CANX: variants seen among roughly 807,000 people sequenced by gnomAD.
The protein encoded by CANX is epididymis secretory sperm binding protein.
CANX carries 14 observed loss-of-function variants against 75.7 expected under a neutral mutation model. The ratio of observed to expected loss-of-function variants is 0.19; its 90% CI spans 0.12 to 0.29. The LOEUF is 0.29. Among genes scored for constraint, CANX ranks in the 10% least tolerant of loss-of-function variants. The pLI is 1.00. For synonymous variants in CANX, 227 were observed against 236.9 expected, an observed-to-expected ratio of 0.96 and a Z score of 0.38; for missense variants, 567 against 713.2, an observed-to-expected ratio of 0.79 and a Z score of 2.34.
chr5:179,709,186 C>G (rs1581858272), intron 6 of CANX, 127 bp downstream of exon 6: 1 of 620,080 alleles, frequency 1.6e-6, no homozygotes. Flanking sequence ...GAAGCCAAGG[C>G]AGGCGGATCA....
upstream of CANX, chr5:179,698,698 C>A: frequency 2.1e-6 from 2 of 936,780 alleles, no homozygotes; most frequent in Non-Finnish European, 1.5e-6. Flanking sequence ...CCGAGACGCG[C>A]GCGCCCGGCG....
chr5:179,684,955 T>TTTTTG (rs1410102592), intron 1 of CANX, among the ~76,000 whole-genome samples: 2 of 115,066 alleles, frequency 1.7e-5, no homozygotes, highest in Non-Finnish European at 3.8e-5. Flanking sequence ...TTTTTTTTTT[T>TTTTTG]TACTAGAGAC....
chr5:179,683,229 A>G (rs546841856), intron 1 of CANX, among the ~76,000 whole-genome samples: 3 of 152,096 alleles, frequency 2.0e-5, no homozygotes, highest in Admixed American at 6.5e-5. Flanking sequence ...CGAGGTTCAC[A>G]CCATTCTCCT....
intron 8 of CANX, among the ~76,000 whole-genome samples, chr5:179,719,010 G>T (rs1233283302): frequency 6.6e-6 from 1 of 151,168 alleles, no homozygotes; most frequent in Non-Finnish European, 1.5e-5. Context: ...TCACCTTGTT[G>T]CCCAGGCTGG....
chr5:179,714,982 C>G (rs2113209414), intron 7 of CANX, among the ~76,000 whole-genome samples: 1 of 152,120 alleles, frequency 6.6e-6, no homozygotes, highest in African/African-American at 2.4e-5. Context: ...CCAGGCTGGT[C>G]TCGAACTCCT....
At chr5:179,726,525 G>A (rs1778683993) in intron 13 of CANX, among the ~76,000 whole-genome samples, 155 bp from the exon 14 acceptor site, 1 of 150,640 alleles carries the variant, frequency 6.6e-6, no homozygotes, top group African/African-American at 2.4e-5. Context: ...GCAGTGAGCC[G>A]AGATCGCGCC....
rs1776192287 is a variant in CANX, at chr5:179,686,422, A to C, written c.-4+7645A>C. Among the ~76,000 whole-genome samples the C allele has an allele frequency of 5.4e-5, 8 of 147,520 alleles. No homozygotes were observed. The Admixed American group carries it at 5.5e-4, about 10-fold the overall frequency. On this transcript the variant is annotated intron_variant, in intron 1 of 14. Transcript: ENST00000681674. Reference sequence around the variant, plus strand: ...CATCTTTTTTTTTTTTTAGTGGTTCAAGTCTTTTTGCCTATTTTAAAAATT... The same window carrying C: ...CATCTTTTTTTTTTTTTAGTGGTTCCAGTCTTTTTGCCTATTTTAAAAATT...
At chr5:179,719,197 A>G (rs1425243207) in intron 8 of CANX, among the ~76,000 whole-genome samples, 1 of 152,240 alleles carries the variant, frequency 6.6e-6, no homozygotes, top group African/African-American at 2.4e-5. Flanking sequence ...ACTGTTTTCC[A>G]AATGAGCAGT....
chr5:179,708,896 A>T, intron 5 of CANX, 82 bp from the exon 6 acceptor site: 1 of 738,010 alleles, frequency 1.4e-6, no homozygotes, highest in East Asian at 2.6e-5. Context: ...CGTGACTAAG[A>T]TGAGGGAGAG....
intron 1 of CANX, among the ~76,000 whole-genome samples, chr5:179,701,736 CTTTTTTTTTTTTTTT>C (rs558907168): frequency 2.3e-5 from 1 of 43,996 alleles, no homozygotes; most frequent in Non-Finnish European, 3.8e-5. Flanking sequence ...AACAGATGTA[CTTTTTTTTTTTTTTT>C]TTTTTTTTTT....
chr5:179,728,105 T>G (rs1381820371), intron 14 of CANX, among the ~76,000 whole-genome samples: 2 of 152,218 alleles, frequency 1.3e-5, no homozygotes, highest in Non-Finnish European at 2.9e-5. Context: ...CCCTCACACG[T>G]TAAAAAGTTG....
At chr5:179,725,596 C>T (rs1302959243) in intron 13 of CANX, among the ~76,000 whole-genome samples, 2 of 147,138 alleles carry the variant, frequency 1.4e-5, no homozygotes, top group East Asian at 2.0e-4. Flanking sequence ...AGGAGAATGG[C>T]GTGAACCTGG....
intron 1 of CANX, among the ~76,000 whole-genome samples, chr5:179,680,472 C>T (rs1008347386): frequency 1.3e-5 from 2 of 152,110 alleles, no homozygotes; most frequent in African/African-American, 4.8e-5. Context: ...CCTAATCCAG[C>T]TTGGAAGACA....
chr5:179,684,924 G>GTTTTTTT (rs781629512), intron 1 of CANX, among the ~76,000 whole-genome samples: 24 of 28,990 alleles, frequency 8.3e-4, no homozygotes, highest in Non-Finnish European at 1.5e-3. Flanking sequence ...GGCTAATTTT[G>GTTTTTTT]TATTTTTTTT....
chr5:179,683,194 C>T (rs554773362), intron 1 of CANX, among the ~76,000 whole-genome samples: 1 of 152,166 alleles, frequency 6.6e-6, no homozygotes, highest in African/African-American at 2.4e-5. Context: ...AGTGGCGCTA[C>T]CTCAGCTCAC....
At chr5:179,684,924 GTATTTTTTTTTT>G (rs1340060431) in intron 1 of CANX, among the ~76,000 whole-genome samples, 2 of 28,984 alleles carry the variant, frequency 6.9e-5, no homozygotes, top group Admixed American at 4.6e-4. Flanking sequence ...GGCTAATTTT[GTATTTTTTTTTT>G]TTTTTTTTTT....
At chr5:179,717,917 T>C (rs1192071918) in intron 8 of CANX, among the ~76,000 whole-genome samples, 1 of 152,050 alleles carries the variant, frequency 6.6e-6, no homozygotes, top group African/African-American at 2.4e-5. Context: ...GGTTTTACCA[T>C]GTTGGTCAGG....
chr5:179,724,813 T>C, intron 13 of CANX, 30 bp downstream of exon 13: 1 of 1,584,876 alleles, frequency 6.3e-7, no homozygotes, highest in Non-Finnish European at 8.6e-7. Flanking sequence ...AAATCTGCTT[T>C]AAGCCAAGAC....
At chr5:179,689,209 A>C (rs28390299) in intron 1 of CANX, among the ~76,000 whole-genome samples, 6,600 of 152,048 alleles carry the variant, frequency 0.043, 198 homozygotes, top group African/African-American at 0.081. Flanking sequence ...ATCGTGCCAC[A>C]GCAGTCCAGT....
Sources: gnomAD v4.1 joint callset for allele counts (sites outside exome capture counted in the v4.1 genomes callset) on GRCh38, gnomAD v4.1.1 for gene constraint, MANE v1.5 for transcripts, NCBI Gene and HGNC (gene_info 2026-07-23, HGNC 2026-07-21) for gene names.